Variants in PSMC3 observed in about 807,000 individuals in gnomAD.
PSMC3 encodes the protein proteasome 26S subunit, ATPase 3.
A neutral mutation model predicts 52.0 loss-of-function variants in PSMC3; 11 were observed. That is an observed-to-expected ratio of 0.21 (90% CI 0.13 to 0.35). PSMC3 has a LOEUF of 0.35. PSMC3 is among the 10% of genes least tolerant of loss of function. PSMC3 has a pLI of 1.00. For missense variants in PSMC3, 238 were observed against 567.1 expected, an observed-to-expected ratio of 0.42 and a Z score of 5.89; for synonymous variants, 201 against 218.8, an observed-to-expected ratio of 0.92 and a Z score of 0.72.
chr11:47,420,567 T>TG, intron 9 of PSMC3, 64 bp downstream of exon 9: 2 of 1,519,928 alleles, frequency 1.3e-6, no homozygotes, highest in Non-Finnish European at 1.8e-6. Context: ...ACTGGCTAGC[T>TG]GGGGGCCTGA....
At position 47,422,772 on chromosome 11, in the gene PSMC3, C is replaced by T; in HGVS notation, c.736-50G>A. 1 of 1,608,800 alleles carries T rather than the reference C, an allele frequency of 6.2e-7. No homozygotes were observed. The highest frequency in any genetic ancestry group is 8.5e-7 in the Non-Finnish European group (1 of 1,176,120). ...AGGTCAAAGGCAGACCCTTTGAGCC[C>T]ATCTGGTAGAGTTTCTGCTCCTGCC... On this transcript the variant is annotated intron_variant, in intron 7 of 11. Coordinates refer to ENST00000298852, the MANE Select transcript of PSMC3 (RefSeq NM_002804.5). This position sits in a 1 kb window ranked among gnomAD's most constrained non-coding sequence, Gnocchi z 4.3.
At chr11:47,419,807 C>T (rs1336955310) in intron 10 of PSMC3, among the ~76,000 whole-genome samples, 4 of 151,510 alleles carry the variant, frequency 2.6e-5, no homozygotes, top group African/African-American at 7.3e-5. Flanking sequence ...TGCAGTGAGC[C>T]GAGATCGCGC....
Position 47,418,833 on chromosome 11 carries a change from C to T in PSMC3, c.*2G>A. On this transcript the variant is annotated 3_prime_UTR_variant, in exon 12 of 12. Transcript: ENST00000298852. ...CGTGAGACTGGGGCTGGCCTGTGTG[C>T]CCTAGGCGTAGTATTGTAGGTTGGC... The T allele has an allele frequency of 1.2e-6, 2 of 1,612,334 alleles. No homozygotes were observed. The highest frequency in any genetic ancestry group is 1.1e-5 in the South Asian group (1 of 91,040).
chr11:47,425,912 C>G lies in PSMC3; in HGVS notation c.114G>C (p.Thr38=). ...GIGEEVLKMS[T]EEIIQRTRLL... ...GCCGTGTGCGCTGGATGATCTCCTCCGTGGACATCTTGAGCACCTCCTCCC... is the reference window on the plus strand; with the variant it reads ...GCCGTGTGCGCTGGATGATCTCCTCGGTGGACATCTTGAGCACCTCCTCCC... The change falls in exon 2 of 12, where the codon ACG becomes ACC. Residue 38 remains threonine, a synonymous_variant. Coordinates refer to ENST00000298852, the MANE Select transcript of PSMC3 (RefSeq NM_002804.5). 6.2e-7 allele frequency: 1 copy of G among 1,614,116 alleles called. No individual in the cohort carries two copies. Among genetic ancestry groups the G allele is most frequent in the South Asian group, 1.1e-5 (1 of 91,084 alleles).
chr11:47,419,630 T>C (rs546507442), intron 10 of PSMC3, among the ~76,000 whole-genome samples: 134 of 152,104 alleles, frequency 8.8e-4, no homozygotes, highest in East Asian at 1.9e-3. Context: ...GAGGCCAAGG[T>C]GGGCGGATCA....
In PSMC3 at chr11:47,424,798, T is replaced by C; in HGVS notation, c.286-87A>G. 13 of 1,188,754 alleles carry C rather than the reference T, an allele frequency of 1.1e-5. No individual in the cohort carries two copies. The highest frequency in any genetic ancestry group is 1.6e-5 in the Non-Finnish European group (13 of 804,048). The allele number at this position is 1,188,754 out of a possible 1,614,324, so 73.6% of individuals were successfully genotyped here. On this transcript the variant is annotated intron_variant, in intron 3 of 11. Coordinates refer to ENST00000298852, the MANE Select transcript of PSMC3 (RefSeq NM_002804.5). The surrounding 1 kb of genome is among the most constrained non-coding windows in gnomAD (Gnocchi z 4.8). ...TTCCTAATACCTGCAGGGCTGGCCATCCTTACCTCCCTCCTCCAATAGCCC... is the reference window on the plus strand; with the variant it reads ...TTCCTAATACCTGCAGGGCTGGCCACCCTTACCTCCCTCCTCCAATAGCCC...
In PSMC3 at chr11:47,425,023, G is replaced by A; in HGVS notation, c.285+98C>T. ...AGGTGTAGCTCTGACATGCAGTTTGGCCTCAATACCTCCACCCACTCTTTC... is the reference window on the plus strand; with the variant it reads ...AGGTGTAGCTCTGACATGCAGTTTGACCTCAATACCTCCACCCACTCTTTC... On this transcript the variant is annotated intron_variant, in intron 3 of 11. Transcript: ENST00000298852. The A allele has an allele frequency of 4.6e-6, 7 of 1,538,196 alleles. No homozygotes were observed. The South Asian group carries it at 8.1e-5, about 18-fold the overall frequency.
chr11:47,425,059 C>T, intron 3 of PSMC3, 62 bp downstream of exon 3: 1 of 1,607,408 alleles, frequency 6.2e-7, no homozygotes, highest in Non-Finnish European at 8.5e-7. Context: ...CCTAGTGGCC[C>T]CACCCCAGGC....
rs2096042105 is a variant in PSMC3, at chr11:47,422,759, G to C, written c.736-37C>G. The C allele has an allele frequency of 6.2e-7, 1 of 1,612,654 alleles. No homozygotes were observed. Among genetic ancestry groups the C allele is most frequent in the East Asian group, 2.2e-5 (1 of 44,846 alleles). ...AGGTGGTAGAGTCAGGTCAAAGGCA[G>C]ACCCTTTGAGCCCATCTGGTAGAGT... is the stretch of plus-strand genomic sequence containing the variant. On this transcript the variant is annotated intron_variant, in intron 7 of 11. Transcript: ENST00000298852. The surrounding 1 kb of genome is among the most constrained non-coding windows in gnomAD (Gnocchi z 4.3).
intron 8 of PSMC3, among the ~76,000 whole-genome samples, chr11:47,421,125 C>T (rs2096039914): frequency 6.6e-6 from 1 of 151,832 alleles, no homozygotes; most frequent in South Asian, 2.1e-4. Flanking sequence ...TGGTGGCAGC[C>T]ACCTGTAATC....
intron 10 of PSMC3, among the ~76,000 whole-genome samples, chr11:47,419,814 G>C (rs1031624728): frequency 1.3e-5 from 2 of 151,522 alleles, no homozygotes; most frequent in African/African-American, 2.4e-5. Flanking sequence ...AGCCGAGATC[G>C]CGCCACTGTA....
At position 47,424,761 on chromosome 11, in the gene PSMC3, T is replaced by G; in HGVS notation, c.286-50A>C. ...CCTTGAACTCCCCAAGGCCCAGTGC[T>G]TCCTAAGACAGTTCCTAATACCTGC... On this transcript the variant is annotated intron_variant, in intron 3 of 11. Transcript: ENST00000298852. The surrounding 1 kb of genome is among the most constrained non-coding windows in gnomAD (Gnocchi z 4.8). 6.9e-7 allele frequency: 1 copy of G among 1,459,436 alleles called. No homozygotes were observed. Among genetic ancestry groups the G allele is most frequent in the South Asian group, 1.1e-5 (1 of 87,888 alleles). 90.4% of individuals were successfully genotyped at this position (1,459,436 alleles called of 1,614,324 possible).
chr11:47,420,809 C>T, intron 8 of PSMC3, 82 bp from the exon 9 acceptor site: 1 of 1,273,348 alleles, frequency 7.9e-7, no homozygotes, highest in Non-Finnish European at 1.1e-6. Context: ...GGAAGCCTAA[C>T]CTAACCCGTC....
At chr11:47,419,318 C>G (rs1319626003) in intron 10 of PSMC3, 121 bp from the exon 11 acceptor site, 2 of 984,672 alleles carry the variant, frequency 2.0e-6, no homozygotes, top group African/African-American at 3.2e-5. Flanking sequence ...AGAGGCAAGT[C>G]CCTTACTCAA....
At position 47,419,202 on chromosome 11, in the gene PSMC3, G is replaced by A. The variant is rs769662961; in HGVS notation, c.1128-5C>T. ...TCCTCGTAGTTCACGTCAGGACTGG[G>A]GACAGGACAGATACCACAGGCTCAG... On this transcript the variant is annotated splice_polypyrimidine_tract_variant and splice_region_variant and intron_variant, in intron 10 of 11. Transcript: ENST00000298852. The A allele has an allele frequency of 2.5e-6, 4 of 1,614,060 alleles. No homozygotes were observed. The highest frequency in any genetic ancestry group is 1.1e-5 in the South Asian group (1 of 91,078).
At position 47,418,880 on chromosome 11, in the gene PSMC3, C is replaced by T. The variant is rs1263353230; in HGVS notation, c.1275G>A (p.Leu425=). Residue 425 remains leucine (L), a synonymous_variant, in exon 12 of 12, where the codon CTG becomes CTA. Transcript: ENST00000298852. ...TGGCTTTCTTCTTGGCCTGCACCTC[C>T]AGGATGCCTTCCATGTAGTCCTCGT... ...LTHEDYMEGI[L]EVQAKKKANL... 1.2e-6 allele frequency: 2 copies of T among 1,614,230 alleles called. No homozygotes were observed. Among genetic ancestry groups the T allele is most frequent in the Non-Finnish European group, 1.7e-6 (2 of 1,180,024 alleles).
At chr11:47,420,939 G>A (rs540979612) in intron 8 of PSMC3, among the ~76,000 whole-genome samples, 2 of 152,212 alleles carry the variant, frequency 1.3e-5, no homozygotes, top group African/African-American at 4.8e-5. Context: ...TCAGGTGCTG[G>A]GCTGAGGATA....
At chr11:47,420,210 G>A in intron 10 of PSMC3, 54 bp downstream of exon 10, 1 of 1,592,402 alleles carries the variant, frequency 6.3e-7, no homozygotes. Context: ...GCATGGCAGA[G>A]ACATCCTCCT....
intron 10 of PSMC3, among the ~76,000 whole-genome samples, chr11:47,419,504 C>T (rs2096037399): frequency 6.6e-6 from 1 of 152,182 alleles, no homozygotes; most frequent in Non-Finnish European, 1.5e-5. Context: ...GACACTGTCA[C>T]ATCTAATCCT....
Sources: gnomAD v4.1 joint callset for allele counts (sites outside exome capture counted in the v4.1 genomes callset) on GRCh38, gnomAD v4.1.1 for gene constraint, Gnocchi (gnomAD v3.1) non-coding constraint, MANE v1.5 for transcripts, NCBI Gene and HGNC (gene_info 2026-07-23, HGNC 2026-07-21) for gene names.